Variants in MYH9 observed in about 807,000 individuals in gnomAD.
MYH9 encodes myosin heavy chain 9.
MYH9 carries 29 observed loss-of-function variants against 241.9 expected under a neutral mutation model. The observed-to-expected ratio is 0.12, with a 90% CI of 0.09 to 0.16. The LOEUF (loss-of-function observed/expected upper bound fraction) is 0.16, where lower values mean the gene tolerates loss of function less well. Ranked by LOEUF, MYH9 falls within the 10% of genes least tolerant of loss-of-function variation. The pLI is 1.00. For missense variants in MYH9, 1,803 were observed against 2,595.5 expected (o/e 0.69, Z 6.63); for synonymous variants, 1,047 against 1,062.6 (o/e 0.99, Z 0.29).
chr22:36,375,607 A>G (rs2018154066), intron 1 of MYH9, among the ~76,000 whole-genome samples: 1 of 152,238 alleles, frequency 6.6e-6, no homozygotes, highest in South Asian at 2.1e-4. Flanking sequence ...CCACAGAGTC[A>G]GGAGCTGGAG....
rs558565346 is a variant in MYH9, at chr22:36,290,196, T to C, written c.4345-899A>G. On this transcript the variant is annotated intron_variant, in intron 31 of 40. Transcript: ENST00000216181. ...CGATATGGTGAGATCCCTGTCACTA[T>C]GAAAAACATCTAAAAATTAGCTGGG... 6.7e-4 allele frequency among the ~76,000 whole-genome samples: 102 copies of C among 152,096 alleles called. 1 individual carries two copies. Among genetic ancestry groups the C allele is most frequent in the Non-Finnish European group, 1.4e-3 (92 of 67,992 alleles).
At chr22:36,374,719 G>A (rs765966128) in intron 1 of MYH9, among the ~76,000 whole-genome samples, 1 of 152,172 alleles carries the variant, frequency 6.6e-6, no homozygotes, top group Non-Finnish European at 1.5e-5. Flanking sequence ...CACATTTCCT[G>A]GGAAATGGGG....
At position 36,293,309 on chromosome 22, in the gene MYH9, G is replaced by A. The variant is rs201994553; in HGVS notation, c.4095+20C>T. 3.6e-4 allele frequency: 577 copies of A among 1,613,300 alleles called. 2 individuals are homozygous for A. The highest frequency in any genetic ancestry group is 1.2e-3 in the Middle Eastern group (7 of 6,030). On this transcript the variant is annotated intron_variant, in intron 30 of 40. Transcript: ENST00000216181. The surrounding 1 kb of genome is among the most constrained non-coding windows in gnomAD (Gnocchi z 5.1). ...GCTCCCCAGCCTGCAGAGTCCGGCC[G>A]GTCCCCCAGGCCTCCAAACCTGGGC...
chr22:36,331,154 T>C (rs988463555), intron 3 of MYH9, among the ~76,000 whole-genome samples: 1 of 152,056 alleles, frequency 6.6e-6, no homozygotes, highest in Non-Finnish European at 1.5e-5. Flanking sequence ...TGGGTTCCGC[T>C]CTTCCCCACG....
chr22:36,314,124 C>CAAA (rs1422138191), intron 13 of MYH9, 21 bp downstream of exon 13: 2 of 1,612,718 alleles, frequency 1.2e-6, no homozygotes, highest in Non-Finnish European at 1.7e-6. Flanking sequence ...GGTGTGAGGT[C>CAAA]AAAGCAAGCC....
At chr22:36,357,785 A>G (rs1310288385) in intron 1 of MYH9, among the ~76,000 whole-genome samples, 2 of 152,208 alleles carry the variant, frequency 1.3e-5, no homozygotes, top group Non-Finnish European at 2.9e-5. Context: ...GTCACCAAGG[A>G]ATGACAGCTC....
intron 14 of MYH9, among the ~76,000 whole-genome samples, chr22:36,310,213 T>C (rs2017039254): frequency 1.3e-5 from 2 of 149,274 alleles, no homozygotes; most frequent in African/African-American, 5.0e-5. Context: ...GAGGTTGCAG[T>C]GAGCCGAGAT....
intron 13 of MYH9, among the ~76,000 whole-genome samples, chr22:36,313,566 C>G (rs1408665486): frequency 6.6e-6 from 1 of 152,070 alleles, no homozygotes; most frequent in Admixed American, 6.6e-5. Flanking sequence ...CAACCTCTAC[C>G]TGGCAAGAGG....
rs2016637181 is a variant in MYH9 at position 36,288,911 on chromosome 22, G to A, written c.4586C>T (p.Ala1529Val). 1 of 1,613,992 alleles carries A rather than the reference G, an allele frequency of 6.2e-7. No individual in the cohort carries two copies. Among genetic ancestry groups the A allele is most frequent in the Non-Finnish European group, 8.5e-7 (1 of 1,180,020 alleles). ...SVHELEKSKRALEQQVEEMKT... is the reference protein window; with the variant it reads ...SVHELEKSKRVLEQQVEEMKT... ...CATCTCCTCCACCTGCTGCTCTAGG[G>A]CCCGCTTGGACTTCTCCAGCTCGTG... Residue 1529 changes from alanine to valine, a missense_variant, in exon 33 of 41, where the codon GCC (alanine) becomes GTC (valine). Physicochemically the swap from Ala to Val is moderately conservative, Grantham distance 64 (BLOSUM62 0). Around this residue, in one of 11 missense-constraint regions of MYH9, gnomAD observed 876 missense variants for 1,077.8 expected, o/e 0.81. Transcript: ENST00000216181. This position sits in a 1 kb window ranked among gnomAD's most constrained non-coding sequence, Gnocchi z 4.8.
chr22:36,302,320 G>T, intron 20 of MYH9: 1 of 447,192 alleles, frequency 2.2e-6, no homozygotes, highest in Non-Finnish European at 4.2e-6. Context: ...AGGAAGGTCA[G>T]CCTGGGCAAG....
chr22:36,328,424 G>A (rs574753941), intron 3 of MYH9, among the ~76,000 whole-genome samples: 4 of 152,180 alleles, frequency 2.6e-5, no homozygotes, highest in Non-Finnish European at 4.4e-5. Context: ...GTTTTATCCC[G>A]CCCCATCTAA....
At chr22:36,309,501 C>T (rs776930530) in intron 14 of MYH9, 105 bp from the exon 15 acceptor site, 11 of 808,302 alleles carry the variant, frequency 1.4e-5, no homozygotes, top group South Asian at 7.0e-5. Flanking sequence ...AGTCAGAAAA[C>T]GTGAAGACCC....
In MYH9 at chr22:36,306,913, A is replaced by G. The variant is rs1168344354; in HGVS notation, c.1844-306T>C. Among the ~76,000 whole-genome samples, 1 of 152,160 alleles carries G rather than the reference A, an allele frequency of 6.6e-6. No individual in the cohort carries two copies. The highest frequency in any genetic ancestry group is 1.5e-5 in the Non-Finnish European group (1 of 68,022). On this transcript the variant is annotated intron_variant, in intron 15 of 40. Transcript: ENST00000216181. The surrounding 1 kb of genome is among the most constrained non-coding windows in gnomAD (Gnocchi z 4.1). ...AAGCTCTTATTTCCAAAAAGACTCA[A>G]TGAAGCTAGTCATGTATTTTGGAAT...
chr22:36,324,268 T>C (rs1316220179), intron 5 of MYH9, among the ~76,000 whole-genome samples: 1 of 152,268 alleles, frequency 6.6e-6, no homozygotes, highest in African/African-American at 2.4e-5. Flanking sequence ...CCTATGGCTT[T>C]TTCTCTACTG....
At chr22:36,386,207 G>A (rs2018348302) in intron 1 of MYH9, among the ~76,000 whole-genome samples, 1 of 152,060 alleles carries the variant, frequency 6.6e-6, no homozygotes, top group Non-Finnish European at 1.5e-5. Context: ...CTACAGATTT[G>A]TCTCAGTTCT....
chr22:36,355,243 G>T (rs1235637271), intron 1 of MYH9, among the ~76,000 whole-genome samples: 1 of 152,132 alleles, frequency 6.6e-6, no homozygotes, highest in African/African-American at 2.4e-5. Context: ...GCTAAATTAG[G>T]ACTCTCAGGA....
In MYH9 at chr22:36,282,530, G is replaced by A; in HGVS notation, c.*138C>T. ...AACAACACCTGGAGGGAAACGGGAT[G>A]GGGGGACGGGGCGGAGGGCAGGAGG... is the stretch of plus-strand genomic sequence containing the variant. On this transcript the variant is annotated 3_prime_UTR_variant, in exon 41 of 41. Coordinates refer to ENST00000216181, the MANE Select transcript of MYH9 (RefSeq NM_002473.6). 5.9e-6 allele frequency: 5 copies of A among 850,420 alleles called. No homozygotes were observed. Among genetic ancestry groups the A allele is most frequent in the Admixed American group, 5.1e-5 (3 of 59,058 alleles). The allele number at this position is 850,420 out of a possible 1,614,324, so 52.7% of individuals were successfully genotyped here. A position where few individuals can be genotyped will look rare whatever the true frequency, so the allele number is the denominator to read the frequency against.
At chr22:36,349,408 C>A (rs938306611) in intron 1 of MYH9, among the ~76,000 whole-genome samples, 153 bp from the exon 2 acceptor site, 1 of 152,172 alleles carries the variant, frequency 6.6e-6, no homozygotes, top group East Asian at 1.9e-4. Context: ...TTGCTCCACA[C>A]TTTTGGGATA....
intron 5 of MYH9, among the ~76,000 whole-genome samples, chr22:36,325,620 A>G (rs1425007819): frequency 6.6e-6 from 1 of 152,250 alleles, no homozygotes; most frequent in Non-Finnish European, 1.5e-5. Flanking sequence ...AGGTGAGGGC[A>G]GCCGGCCATC....
Sources: allele counts gnomAD v4.1 joint callset (sites outside exome capture counted in the v4.1 genomes callset), GRCh38; gene constraint gnomAD v4.1.1; regional missense constraint gnomAD v4.1.1; non-coding constraint Gnocchi (gnomAD v3.1); transcripts MANE v1.5; gene names NCBI Gene and HGNC (gene_info 2026-07-23, HGNC 2026-07-21).